The following ESRRG variants were observed in gnomAD, a reference collection of about 807,000 sequenced individuals.
The protein encoded by ESRRG is estrogen related receptor gamma.
A neutral mutation model predicts 44.0 loss-of-function variants in ESRRG; 13 were observed. The observed-to-expected ratio is 0.30, with a 90% CI of 0.19 to 0.47. The LOEUF is 0.47. Ranked by LOEUF, ESRRG falls within the 20% of genes least tolerant of loss-of-function variation. The probability of loss-of-function intolerance (pLI) is 1.00; values close to 1 mark genes in which losing one functional copy is unlikely to be tolerated. For missense variants in ESRRG, 395 were observed against 580.6 expected (o/e 0.68, Z 3.29); for synonymous variants, 215 against 214.6 (o/e 1.00, Z -0.02).
At chr1:216,536,749 C>T (rs150734771) in intron 5 of ESRRG, among the ~76,000 whole-genome samples, 1 of 152,154 alleles carries the variant, frequency 6.6e-6, no homozygotes, top group African/African-American at 2.4e-5. Context: ...ATTCCAGTCA[C>T]CATGCTAGTG....
intron 1 of ESRRG, among the ~76,000 whole-genome samples, chr1:217,012,248 C>T (rs1245738748): frequency 6.6e-6 from 1 of 152,148 alleles, no homozygotes; most frequent in African/African-American, 2.4e-5. Flanking sequence ...TTCTACAGCA[C>T]TTAGGACTTT....
At chr1:216,549,986 C>T (rs1182720971) in intron 5 of ESRRG, among the ~76,000 whole-genome samples, 1 of 152,044 alleles carries the variant, frequency 6.6e-6, no homozygotes, top group Non-Finnish European at 1.5e-5. Context: ...CTGCAACAGC[C>T]GTGCGGAAGT....
chr1:217,032,571 C>T (rs2082235128), intron 1 of ESRRG, among the ~76,000 whole-genome samples: 1 of 152,206 alleles, frequency 6.6e-6, no homozygotes, highest in Admixed American at 6.5e-5. Flanking sequence ...GATCCAGCTT[C>T]TAAAGAAAAA....
intron 3 of ESRRG, among the ~76,000 whole-genome samples, chr1:216,627,193 C>G (rs371786620): frequency 2.6e-5 from 4 of 152,282 alleles, no homozygotes; most frequent in African/African-American, 9.6e-5. Flanking sequence ...ATAGGAATAA[C>G]TAGTTTGTAG....
chr1:216,712,953 G>A (rs1249685209), intron 1 of ESRRG, among the ~76,000 whole-genome samples: 1 of 152,118 alleles, frequency 6.6e-6, no homozygotes, highest in Non-Finnish European at 1.5e-5. Context: ...CTGAACAAAG[G>A]GCTATTTAAA....
intron 2 of ESRRG, among the ~76,000 whole-genome samples, chr1:216,733,886 G>T (rs370115438): frequency 3.3e-4 from 50 of 151,618 alleles, no homozygotes; most frequent in African/African-American, 1.2e-3. Flanking sequence ...GCTATTGGGA[G>T]GTTGAGGCAG....
At chr1:216,569,111 A>AGGAAGGAAGGAAGGAAG in intron 3 of ESRRG, among the ~76,000 whole-genome samples, 1 of 104,464 alleles carries the variant, frequency 9.6e-6, no homozygotes, top group South Asian at 4.0e-4. Flanking sequence ...GAAGGAAGGA[A>AGGAAGGAAGGAAGGAAG]GAAGGAAGGA....
chr1:217,045,541 G>A (rs924169812), intron 1 of ESRRG, among the ~76,000 whole-genome samples: 4 of 152,188 alleles, frequency 2.6e-5, no homozygotes, highest in Admixed American at 2.0e-4. Flanking sequence ...GAGAAGTCTC[G>A]AGCTTTCCCT....
intron 5 of ESRRG, among the ~76,000 whole-genome samples, chr1:216,543,426 G>T (rs1043588182): frequency 2.6e-5 from 4 of 151,960 alleles, no homozygotes; most frequent in Non-Finnish European, 5.9e-5. Context: ...GATGAGTAAA[G>T]AAATAACTGC....
chr1:216,545,980 C>A (rs1270649892), intron 5 of ESRRG, among the ~76,000 whole-genome samples: 1 of 152,018 alleles, frequency 6.6e-6, no homozygotes, highest in African/African-American at 2.4e-5. Flanking sequence ...ATAAAACTAT[C>A]CTACTTATGT....
At chr1:216,712,678 C>T (rs549028280) in intron 1 of ESRRG, among the ~76,000 whole-genome samples, 4 of 152,166 alleles carry the variant, frequency 2.6e-5, no homozygotes, top group Non-Finnish European at 2.9e-5. Flanking sequence ...TTTTTATTTC[C>T]GTTGAATCTT....
At position 216,774,760 on chromosome 1, in the gene ESRRG, T is replaced by A. The variant is rs147131907; in HGVS notation, c.-13-97269A>T. On this transcript the variant is annotated intron_variant, in intron 2 of 7. Coordinates refer to the ESRRG transcript ENST00000359162. ...TAAAAAGGAATATAGAAACAATTAA[T>A]TAAGGTAATAAGACAGTAAGACAGT... Among the ~76,000 whole-genome samples, 228 of 149,850 alleles carry A rather than the reference T, an allele frequency of 1.5e-3. 1 individual carries two copies. The highest frequency in any genetic ancestry group is 3.8e-3 in the African/African-American group (154 of 40,724).
chr1:216,567,874 A>G (rs2149594632), intron 4 of ESRRG, 114 bp downstream of exon 4: 2 of 665,680 alleles, frequency 3.0e-6, no homozygotes, highest in East Asian at 2.7e-5. Context: ...CTGTTCTCCA[A>G]CAAAGAGAAG....
chr1:216,508,158 C>A (rs918094769), intron 6 of ESRRG, among the ~76,000 whole-genome samples: 3 of 152,092 alleles, frequency 2.0e-5, no homozygotes, highest in African/African-American at 4.8e-5. Flanking sequence ...CCTAATCTTT[C>A]ATACAATTCA....
chr1:216,960,484 C>T (rs2068815651), intron 1 of ESRRG, among the ~76,000 whole-genome samples: 1 of 152,116 alleles, frequency 6.6e-6, no homozygotes, highest in South Asian at 2.1e-4. Context: ...TAGATTATTT[C>T]TATGGGATTT....
chr1:216,926,318 T>A (rs2062567046), intron 2 of ESRRG, among the ~76,000 whole-genome samples: 1 of 151,720 alleles, frequency 6.6e-6, no homozygotes, highest in Non-Finnish European at 1.5e-5. Context: ...CCAAAGAAAC[T>A]GAGGAGACAG....
rs571651583 is a variant in ESRRG, at chr1:217,071,946, C to T, written c.-106+17561G>A. ...AAGCATTTTCCAAAATCATCTTCCT[C>T]CAGGAAAGATGGCATCTTCTAAACC... On this transcript the variant is annotated intron_variant, in intron 1 of 7. Coordinates refer to the ESRRG transcript ENST00000359162. Among the ~76,000 whole-genome samples the T allele has an allele frequency of 1.2e-3, 180 of 152,268 alleles. 1 individual carries two copies. Among genetic ancestry groups the T allele is most frequent in the African/African-American group, 4.1e-3 (172 of 41,552 alleles).
intron 1 of ESRRG, among the ~76,000 whole-genome samples, chr1:216,965,727 G>C (rs1222611746): frequency 7.9e-5 from 12 of 152,180 alleles, no homozygotes; most frequent in Non-Finnish European, 1.8e-4. Flanking sequence ...CATCCATACA[G>C]GTGTGCACAA....
At position 216,939,364 on chromosome 1, in the gene ESRRG, A is replaced by AAAAAAC. The variant is rs1578401109; in HGVS notation, c.-14+217_-14+218insGTTTTT. 7.3e-4 allele frequency among the ~76,000 whole-genome samples: 98 copies of AAAAAAC among 133,788 alleles called. 2 individuals carry two copies. Among genetic ancestry groups the AAAAAAC allele is most frequent in the African/African-American group, 2.6e-3 (83 of 32,096 alleles). 87.8% of individuals were successfully genotyped at this position (133,788 alleles called of 152,430 possible). A position where few individuals can be genotyped will look rare whatever the true frequency, so the allele number is the denominator to read the frequency against. On this transcript the variant is annotated intron_variant, in intron 2 of 7. Transcript: ENST00000359162. ...TAGACAAAAAAAAAAAAAAAAAAAA[A>AAAAAAC]AAAAAACACTTTAAAGGCATTTAAA...
Sources: allele counts gnomAD v4.1 joint callset (sites outside exome capture counted in the v4.1 genomes callset), GRCh38; gene constraint gnomAD v4.1.1; transcripts MANE v1.5; gene names NCBI Gene and HGNC (gene_info 2026-07-23, HGNC 2026-07-21).